Variants in EIF3H observed in about 807,000 individuals in gnomAD.
EIF3H encodes the protein eIF-3-gamma.
Under a neutral mutation model 44.2 loss-of-function variants are expected in EIF3H, and 26 were observed. That is an observed-to-expected ratio of 0.59 (90% CI 0.43 to 0.82). The LOEUF is 0.82. Ranked by LOEUF, EIF3H falls within the 40% of genes least tolerant of loss-of-function variation. The pLI is 0.00. For missense variants in EIF3H, 359 were observed against 432.8 expected (o/e 0.83, Z 1.51); for synonymous variants, 166 against 151.9 (o/e 1.09, Z -0.68).
chr8:116,681,370 G>A (rs1435988239), intron 2 of EIF3H, among the ~76,000 whole-genome samples: 1 of 149,066 alleles, frequency 6.7e-6, no homozygotes, highest in East Asian at 2.0e-4. Context: ...TAAAAGAAAA[G>A]GTACAAACAC....
intron 5 of EIF3H, among the ~76,000 whole-genome samples, chr8:116,654,933 C>T (rs532581847): frequency 6.6e-6 from 1 of 151,018 alleles, no homozygotes; most frequent in South Asian, 2.1e-4. Context: ...AAGTCTCTAT[C>T]TAAGATAACT....
chr8:116,680,255 G>A (rs1336059241), intron 2 of EIF3H, among the ~76,000 whole-genome samples: 1 of 47,302 alleles, frequency 2.1e-5, no homozygotes, highest in African/African-American at 6.1e-5. Flanking sequence ...GGTGAGGGGC[G>A]CTTCTGCCCG....
At chr8:116,727,058 T>C (rs1386069911) in intron 1 of EIF3H, among the ~76,000 whole-genome samples, 1 of 152,126 alleles carries the variant, frequency 6.6e-6, no homozygotes, top group African/African-American at 2.4e-5. Flanking sequence ...AACAAGAAAA[T>C]GACAATTTAT....
At chr8:116,738,504 T>C (rs1269537376) in intron 1 of EIF3H, among the ~76,000 whole-genome samples, 1 of 151,950 alleles carries the variant, frequency 6.6e-6, no homozygotes, top group Non-Finnish European at 1.5e-5. Context: ...ACACACACCA[T>C]CAACATAAAG....
In EIF3H at chr8:116,648,988, T is replaced by TA. The variant is rs966886589; in HGVS notation, c.708-63dup. ...TTAAATTATAGCTTTGCTACTGCTC[T>TA]AAACAGTTTTAAGATATGAACTTGA... On this transcript the variant is annotated intron_variant, in intron 5 of 7. Transcript: ENST00000521861. 2.1e-6 allele frequency: 3 copies of TA among 1,458,532 alleles called. No individual in the cohort carries two copies. The African/African-American group carries it at 4.3e-5, about 21-fold the overall frequency. The allele number at this position is 1,458,532 out of a possible 1,614,324, so 90.3% of individuals were successfully genotyped here.
At chr8:116,756,728 A>C (rs1167501877), upstream of EIF3H, among the ~76,000 whole-genome samples, 1 of 152,250 alleles carries the variant, frequency 6.6e-6, no homozygotes, top group Non-Finnish European at 1.5e-5. Flanking sequence ...AGAAATAGTT[A>C]CATGTTACAA....
intron 3 of EIF3H, 111 bp downstream of exon 3, chr8:116,658,702 G>T: frequency 4.0e-6 from 4 of 999,456 alleles, no homozygotes; most frequent in Non-Finnish European, 5.8e-6. Context: ...AAACAGGGTT[G>T]GTATTTACTT....
At chr8:116,682,506 TC>T (rs1235189258) in intron 2 of EIF3H, among the ~76,000 whole-genome samples, 1 of 152,174 alleles carries the variant, frequency 6.6e-6, no homozygotes, top group Non-Finnish European at 1.5e-5. Flanking sequence ...CTTAAGATAT[TC>T]CTGTCTCCAG....
At chr8:116,742,296 G>C (rs1815146309) in intron 1 of EIF3H, among the ~76,000 whole-genome samples, 2 of 152,104 alleles carry the variant, frequency 1.3e-5, no homozygotes, top group East Asian at 1.9e-4. Context: ...AGAGGATTTA[G>C]CCTCAAGAAA....
Position 116,643,803 on chromosome 8 carries a change from C to T in EIF3H, c.*1203G>A, listed in dbSNP as rs1813258179. The stretch of plus-strand genomic sequence containing the variant: ...TTCACCCATCTCCTTTTTTGATAAC[C>T]CTCCTAGGGGATCATAATCAAAAAT... On this transcript the variant is annotated 3_prime_UTR_variant, in exon 8 of 8. Transcript: ENST00000521861. 6.6e-6 allele frequency: 1 copy of T among 152,084 alleles called. No homozygotes were observed. The highest frequency in any genetic ancestry group is 6.5e-5 in the Admixed American group (1 of 15,270). The allele number at this position is 152,084 out of a possible 1,614,324, so 9.4% of individuals were successfully genotyped here.
At chr8:116,738,067 G>A (rs571885695) in intron 1 of EIF3H, among the ~76,000 whole-genome samples, 15 of 150,938 alleles carry the variant, frequency 9.9e-5, no homozygotes, top group African/African-American at 3.2e-4. Context: ...TGGTATGGAC[G>A]GACATACTTC....
Position 116,662,422 on chromosome 8 carries a change from C to T in EIF3H, c.290-3442G>A, listed in dbSNP as rs145242595. Among the ~76,000 whole-genome samples the T allele has an allele frequency of 1.2e-4, 18 of 152,172 alleles. No homozygotes were observed. The East Asian group carries it at 2.3e-3, about 20-fold the overall frequency. On this transcript the variant is annotated intron_variant, in intron 2 of 7. Transcript: ENST00000521861. ...TCTCACCATGACTGCTCCTATGAAGCGCCAACAAATGCAGTGTTTGAAAAG... is the reference window on the plus strand; with the variant it reads ...TCTCACCATGACTGCTCCTATGAAGTGCCAACAAATGCAGTGTTTGAAAAG...
At chr8:116,694,229 T>C (rs905797823) in intron 2 of EIF3H, among the ~76,000 whole-genome samples, 4 of 151,802 alleles carry the variant, frequency 2.6e-5, no homozygotes, top group African/African-American at 9.7e-5. Flanking sequence ...AGTACATGAG[T>C]GTGTCTTGTT....
At chr8:116,647,537 T>A (rs1813325001) in intron 6 of EIF3H, among the ~76,000 whole-genome samples, 1 of 152,232 alleles carries the variant, frequency 6.6e-6, no homozygotes, top group Non-Finnish European at 1.5e-5. Flanking sequence ...AAAGCAGGGA[T>A]ATATATAAAC....
At chr8:116,734,362 G>GAAGAGAATACTTGAC (rs1465124034) in intron 1 of EIF3H, 1 of 456,042 alleles carries the variant, frequency 2.2e-6, no homozygotes, top group East Asian at 6.9e-5. Flanking sequence ...AAACTTGGGA[G>GAAGAGAATACTTGAC]AAGAGAATAC....
At chr8:116,698,506 AC>A (rs1478015675) in intron 2 of EIF3H, among the ~76,000 whole-genome samples, 1 of 152,232 alleles carries the variant, frequency 6.6e-6, no homozygotes, top group Non-Finnish European at 1.5e-5. Flanking sequence ...CATGATACTT[AC>A]AAAAAGCCTT....
intron 2 of EIF3H, among the ~76,000 whole-genome samples, chr8:116,680,379 TAGAAA>T (rs1813961256): frequency 3.1e-5 from 2 of 63,942 alleles, no homozygotes; most frequent in African/African-American, 1.1e-4. Context: ...TTTTGTGGAA[TAGAAA>T]GGCGGGAAGA....
intron 2 of EIF3H, among the ~76,000 whole-genome samples, chr8:116,710,401 C>T (rs1028751452): frequency 6.6e-6 from 1 of 152,166 alleles, no homozygotes; most frequent in Admixed American, 6.6e-5. Context: ...TTTCTCCATT[C>T]CATGTAGCAA....
chr8:116,681,300 T>C (rs974287476), intron 2 of EIF3H, among the ~76,000 whole-genome samples: 3 of 152,118 alleles, frequency 2.0e-5, no homozygotes, highest in Non-Finnish European at 2.9e-5. Context: ...AGGCAGAGGT[T>C]GTAGTGAGCC....
Sources: gnomAD v4.1 joint callset for allele counts (sites outside exome capture counted in the v4.1 genomes callset) on GRCh38, gnomAD v4.1.1 for gene constraint, MANE v1.5 for transcripts, NCBI Gene and HGNC (gene_info 2026-07-23, HGNC 2026-07-21) for gene names.